CCDC102B: variants seen among roughly 807,000 people sequenced by gnomAD.
CCDC102B encodes the protein coiled-coil domain containing 102B, also known as coiled-coil domain-containing protein 102B.
CCDC102B carries 75 observed loss-of-function variants against 57.4 expected under a neutral mutation model. The observed-to-expected ratio is 1.31, with a 90% CI of 1.08 to 1.58. The LOEUF is 1.58. CCDC102B is among the 40% of genes most tolerant of loss of function. CCDC102B has a pLI of 0.00. For missense variants in CCDC102B, 636 were observed against 582.6 expected (o/e 1.09, Z -0.94); for synonymous variants, 206 against 201.9 (o/e 1.02, Z -0.17).
chr18:69,027,807 A>G (rs2052032899), intron 7 of CCDC102B, among the ~76,000 whole-genome samples: 1 of 152,226 alleles, frequency 6.6e-6, no homozygotes. Flanking sequence ...TGGTGTTTAA[A>G]TGATGACTGT....
chr18:68,783,075 A>C (rs1385673752), intron 2 of CCDC102B, among the ~76,000 whole-genome samples: 1 of 152,120 alleles, frequency 6.6e-6, no homozygotes, highest in Non-Finnish European at 1.5e-5. Context: ...CTCGTTTTGC[A>C]GGTGAGGTAA....
At chr18:68,890,048 C>T (rs1049964958) in intron 5 of CCDC102B, among the ~76,000 whole-genome samples, 3 of 152,136 alleles carry the variant, frequency 2.0e-5, no homozygotes, top group African/African-American at 7.2e-5. Context: ...TCTTCACTTT[C>T]CTTGCAGTGT....
At chr18:69,037,474 A>T (rs1244846029) in intron 7 of CCDC102B, among the ~76,000 whole-genome samples, 1 of 152,028 alleles carries the variant, frequency 6.6e-6, no homozygotes, top group East Asian at 1.9e-4. Context: ...AATTGTACTG[A>T]CTTCTCTTCC....
chr18:68,769,479 A>G (rs1288212507), intron 2 of CCDC102B, among the ~76,000 whole-genome samples: 1 of 152,030 alleles, frequency 6.6e-6, no homozygotes, highest in Non-Finnish European at 1.5e-5. Flanking sequence ...TCCATAGCAC[A>G]CCTCATCTTC....
chr18:68,822,594 T>C (rs1344427015), intron 1 of CCDC102B, among the ~76,000 whole-genome samples: 8 of 152,138 alleles, frequency 5.3e-5, no homozygotes, highest in African/African-American at 1.9e-4. Context: ...TGCACCCAGG[T>C]AGGAGAGTAT....
intron 6 of CCDC102B, among the ~76,000 whole-genome samples, chr18:68,912,205 G>T (rs2040901381): frequency 6.6e-6 from 1 of 152,004 alleles, no homozygotes. Flanking sequence ...TTCAGTCCTG[G>T]GTTAGAAAAG....
intron 6 of CCDC102B, among the ~76,000 whole-genome samples, chr18:68,942,378 C>A (rs62095029): frequency 6.6e-6 from 1 of 151,786 alleles, no homozygotes; most frequent in Non-Finnish European, 1.5e-5. Flanking sequence ...AAAAGCAGGC[C>A]CAGGGGACCG....
intron 6 of CCDC102B, among the ~76,000 whole-genome samples, chr18:68,968,285 T>G (rs1022225951): frequency 1.3e-5 from 2 of 152,114 alleles, no homozygotes; most frequent in African/African-American, 4.8e-5. Context: ...AAGCACTGGT[T>G]TTTTCCATTC....
intron 7 of CCDC102B, among the ~76,000 whole-genome samples, chr18:69,016,445 TAA>T (rs2051670996): frequency 6.6e-6 from 1 of 152,118 alleles, no homozygotes; most frequent in African/African-American, 2.4e-5. Context: ...ACAGATGAGA[TAA>T]AGTTTTCCTA....
intron 7 of CCDC102B, among the ~76,000 whole-genome samples, chr18:69,025,796 C>A (rs2051972756): frequency 6.6e-6 from 1 of 152,172 alleles, no homozygotes; most frequent in South Asian, 2.1e-4. Flanking sequence ...AGGTGATAAT[C>A]ATATTTTAGA....
At position 69,054,488 on chromosome 18, in the gene CCDC102B, A is replaced by G; in HGVS notation, c.*351A>G. 9.9e-7 allele frequency: 1 copy of G among 1,005,546 alleles called. No individual in the cohort carries two copies. Among genetic ancestry groups the G allele is most frequent in the Non-Finnish European group, 1.2e-6 (1 of 843,644 alleles). The allele number at this position is 1,005,546 out of a possible 1,614,324, so 62.3% of individuals were successfully genotyped here. ...AAACCATACAAGACGCTGGGTCATTAATAAGAAAACCATTGACTTTAAGTA... is the reference window on the plus strand; with the variant it reads ...AAACCATACAAGACGCTGGGTCATTGATAAGAAAACCATTGACTTTAAGTA... On this transcript the variant is annotated 3_prime_UTR_variant, in exon 8 of 8. Transcript: ENST00000360242.
chr18:68,730,398 G>A (rs1005016157), intron 2 of CCDC102B, among the ~76,000 whole-genome samples: 2 of 151,984 alleles, frequency 1.3e-5, no homozygotes, highest in Non-Finnish European at 1.5e-5. Flanking sequence ...CATTTAATTA[G>A]GTTATTCATT....
At chr18:68,805,028 G>C (rs997636427) in intron 1 of CCDC102B, among the ~76,000 whole-genome samples, 1 of 152,064 alleles carries the variant, frequency 6.6e-6, no homozygotes, top group Admixed American at 6.5e-5. Context: ...ATACAAATGG[G>C]AAGTTTGGTG....
chr18:68,728,851 TAAAAGAA>T (rs1279597983), intron 2 of CCDC102B, among the ~76,000 whole-genome samples: 1 of 151,698 alleles, frequency 6.6e-6, no homozygotes, highest in Non-Finnish European at 1.5e-5. Flanking sequence ...GCTTGTGTAG[TAAAAGAA>T]AAAAGAGAAA....
chr18:68,778,725 A>C (rs1052738064), intron 2 of CCDC102B, among the ~76,000 whole-genome samples: 2 of 152,064 alleles, frequency 1.3e-5, no homozygotes, highest in Non-Finnish European at 2.9e-5. Context: ...TATCAAGCTA[A>C]TGTGCTGGGA....
intron 7 of CCDC102B, among the ~76,000 whole-genome samples, chr18:69,031,840 T>A (rs2052155133): frequency 6.6e-6 from 1 of 152,000 alleles, no homozygotes; most frequent in Non-Finnish European, 1.5e-5. Context: ...TGCAAAAGAG[T>A]TACCAAATCA....
At chr18:68,885,917 A>G (rs1037200914) in intron 5 of CCDC102B, among the ~76,000 whole-genome samples, 2 of 152,038 alleles carry the variant, frequency 1.3e-5, no homozygotes, top group Non-Finnish European at 2.9e-5. Flanking sequence ...GTGTACTTCT[A>G]TTGGAATGTT....
intron 7 of CCDC102B, among the ~76,000 whole-genome samples, chr18:69,020,619 C>T (rs1439165864): frequency 6.6e-6 from 1 of 152,020 alleles, no homozygotes; most frequent in Non-Finnish European, 1.5e-5. Flanking sequence ...GCCGTTTTTG[C>T]TATTTCCATG....
chr18:68,941,159 A>G (rs1372813638), intron 6 of CCDC102B, among the ~76,000 whole-genome samples: 1 of 150,982 alleles, frequency 6.6e-6, no homozygotes, highest in Non-Finnish European at 1.5e-5. Flanking sequence ...TAATATTACT[A>G]TTCTTAATCT....
Sources: gnomAD v4.1 joint callset for allele counts (sites outside exome capture counted in the v4.1 genomes callset) on GRCh38, gnomAD v4.1.1 for gene constraint, MANE v1.5 for transcripts, NCBI Gene and HGNC (gene_info 2026-07-23, HGNC 2026-07-21) for gene names.